PBX1: variants seen among roughly 807,000 people sequenced by gnomAD.
PBX1 encodes PBX homeobox 1.
Under a neutral mutation model 53.4 loss-of-function variants are expected in PBX1, and 6 were observed. The ratio of observed to expected loss-of-function variants is 0.11; its 90% CI spans 0.06 to 0.22. The LOEUF (loss-of-function observed/expected upper bound fraction) is 0.22, where lower values mean the gene tolerates loss of function less well. Among genes scored for constraint, PBX1 ranks in the 10% least tolerant of loss-of-function variants. The probability of loss-of-function intolerance (pLI) is 1.00; values close to 1 mark genes in which losing one functional copy is unlikely to be tolerated. For missense variants in PBX1, 251 were observed against 551.4 expected (o/e 0.46, Z 5.46); for synonymous variants, 204 against 212.3 (o/e 0.96, Z 0.34).
intron 2 of PBX1, among the ~76,000 whole-genome samples, chr1:164,754,185 A>T (rs1038873019): frequency 6.6e-6 from 1 of 152,126 alleles, no homozygotes; most frequent in Non-Finnish European, 1.5e-5. Context: ...ACTCAGACCC[A>T]TGTGCTCATG....
intron 2 of PBX1, among the ~76,000 whole-genome samples, chr1:164,576,550 G>A (rs1048396286): frequency 6.6e-5 from 10 of 152,256 alleles, no homozygotes; most frequent in African/African-American, 2.4e-4. Flanking sequence ...GGACCGCGAA[G>A]CCAAGTGTCC....
chr1:164,560,134 C>A, intron 1 of PBX1, 121 bp downstream of exon 1: 1 of 765,134 alleles, frequency 1.3e-6, no homozygotes, highest in Non-Finnish European at 2.0e-6. Flanking sequence ...TTTCTTTTCT[C>A]ATTTTGACAA....
chr1:164,732,215 ACTT>A (rs894587827), intron 2 of PBX1, among the ~76,000 whole-genome samples: 3 of 152,128 alleles, frequency 2.0e-5, no homozygotes, highest in African/African-American at 7.2e-5. Context: ...ACAGAAATAA[ACTT>A]CTCTTTTTAA....
At chr1:164,638,768 C>CTCACTACAGAA (rs1417211808) in intron 2 of PBX1, among the ~76,000 whole-genome samples, 1 of 152,256 alleles carries the variant, frequency 6.6e-6, no homozygotes, top group Non-Finnish European at 1.5e-5. Context: ...AGGTCACCTG[C>CTCACTACAGAA]TCACTACAGA....
chr1:164,773,065 T>C (rs1667452409), intron 2 of PBX1: 1 of 152,218 alleles, frequency 6.6e-6, no homozygotes, highest in Non-Finnish European at 1.5e-5. Context: ...ATTTTGTGGC[T>C]TTGTCCCACT....
At chr1:164,852,060 A>G (rs1167822878), downstream of PBX1, among the ~76,000 whole-genome samples, 2 of 152,170 alleles carry the variant, frequency 1.3e-5, no homozygotes, top group Non-Finnish European at 2.9e-5. Context: ...TTACAGAGGG[A>G]CAGAGCACCC....
Position 164,869,416 on chromosome 1 carries a change from A to G in PBX1, n.258-29772A>G, listed in dbSNP as rs140202356. On this transcript the variant is annotated intron_variant and non_coding_transcript_variant, in intron 2 of 2. Coordinates refer to the PBX1 transcript ENST00000558796. The stretch of plus-strand genomic sequence containing the variant: ...CCAAGTGGGTCTGGCAGATTTCTAG[A>G]AGAGATGTGAGGACAAAATATGGCT... Among the ~76,000 whole-genome samples the G allele has an allele frequency of 1.3e-4, 20 of 152,322 alleles. No homozygotes were observed. The East Asian group carries it at 3.7e-3, about 28-fold the overall frequency.
At chr1:164,836,168 A>G (rs1671029547) in intron 8 of PBX1, among the ~76,000 whole-genome samples, 1 of 152,136 alleles carries the variant, frequency 6.6e-6, no homozygotes, top group South Asian at 2.1e-4. Context: ...TAGATGTTTT[A>G]TTTTGGATGC....
chr1:164,762,518 G>T lies in PBX1; in HGVS notation c.266-29976G>T, dbSNP rs1666863215. The stretch of plus-strand genomic sequence containing the variant: ...TAAAGTGTGCTTCATTTTCATATCA[G>T]CTTATGATAACCCACCTTCTGGAAC... On this transcript the variant is annotated intron_variant, in intron 2 of 8. Coordinates refer to ENST00000420696, the MANE Select transcript of PBX1 (RefSeq NM_002585.4). Among the ~76,000 whole-genome samples the T allele has an allele frequency of 1.3e-5, 2 of 152,172 alleles. 1 individual carries two copies. Among genetic ancestry groups the T allele is most frequent in the Non-Finnish European group, 2.9e-5 (2 of 68,028 alleles).
chr1:164,884,384 G>C (rs1456913948), intron 2 of PBX1, among the ~76,000 whole-genome samples: 1 of 151,994 alleles, frequency 6.6e-6, no homozygotes, highest in African/African-American at 2.4e-5. Flanking sequence ...CCTATTTTCA[G>C]CTGGTTAGCT....
At chr1:164,623,737 G>A (rs1266835844) in intron 2 of PBX1, among the ~76,000 whole-genome samples, 1 of 152,230 alleles carries the variant, frequency 6.6e-6, no homozygotes, top group African/African-American at 2.4e-5. Flanking sequence ...TGCAGAGCCT[G>A]CCTTGTGCCT....
intron 2 of PBX1, among the ~76,000 whole-genome samples, chr1:164,609,725 AAGGGGTAGAC>A (rs1311267435): frequency 3.3e-5 from 5 of 152,156 alleles, no homozygotes; most frequent in Non-Finnish European, 7.3e-5. Flanking sequence ...TAGGGAAAGG[AAGGGGTAGAC>A]AGGCTTAGAG....
chr1:164,790,094 G>A (rs947452437), intron 2 of PBX1, among the ~76,000 whole-genome samples: 6 of 152,170 alleles, frequency 3.9e-5, no homozygotes, highest in Non-Finnish European at 5.9e-5. Flanking sequence ...GCTGCCAGAT[G>A]TTTGGATGCC....
intron 2 of PBX1, among the ~76,000 whole-genome samples, chr1:164,685,466 A>G (rs1450509079): frequency 6.6e-6 from 1 of 152,232 alleles, no homozygotes; most frequent in Non-Finnish European, 1.5e-5. Flanking sequence ...AGAAATGCAG[A>G]GTCCACTTCC....
At chr1:164,581,228 ATTT>A (rs1238499791) in intron 2 of PBX1, among the ~76,000 whole-genome samples, 3 of 130,726 alleles carry the variant, frequency 2.3e-5, no homozygotes, top group Non-Finnish European at 3.3e-5. Flanking sequence ...CCCGACCGCC[ATTT>A]TTTTTTTTTT....
intron 1 of PBX1, among the ~76,000 whole-genome samples, chr1:164,562,329 A>C (rs1271610548): frequency 6.6e-6 from 1 of 152,150 alleles, no homozygotes. Flanking sequence ...TAGTAGACAG[A>C]ATTCACTTAA....
intron 2 of PBX1, among the ~76,000 whole-genome samples, chr1:164,659,708 G>T (rs1660371875): frequency 6.6e-6 from 1 of 152,310 alleles, no homozygotes; most frequent in African/African-American, 2.4e-5. Flanking sequence ...CACTAAGCTT[G>T]GCCAGTTGGA....
intron 2 of PBX1, among the ~76,000 whole-genome samples, chr1:164,600,708 G>A (rs903925038): frequency 6.6e-6 from 1 of 152,172 alleles, no homozygotes; most frequent in Non-Finnish European, 1.5e-5. Flanking sequence ...CATGACTAGG[G>A]GCTCAATCCC....
At chr1:164,721,987 T>C (rs1371800225) in intron 2 of PBX1, among the ~76,000 whole-genome samples, 1 of 152,198 alleles carries the variant, frequency 6.6e-6, no homozygotes, top group Non-Finnish European at 1.5e-5. Flanking sequence ...TGACATGATA[T>C]AAAATGATAC....
Sources: gnomAD v4.1 joint callset for allele counts (sites outside exome capture counted in the v4.1 genomes callset) on GRCh38, gnomAD v4.1.1 for gene constraint, MANE v1.5 for transcripts, NCBI Gene and HGNC (gene_info 2026-07-23, HGNC 2026-07-21) for gene names.